Variants in RASAL1 observed in about 807,000 individuals in gnomAD.
RASAL1 encodes the protein RAS protein activator like 1.
In RASAL1, 72 loss-of-function variants were observed where a neutral mutation model predicts 96.6. The observed-to-expected ratio is 0.75, with a 90% CI of 0.62 to 0.91. RASAL1 has a LOEUF of 0.91. Among genes scored for constraint, RASAL1 ranks in the 40% least tolerant of loss-of-function variants. The probability of loss-of-function intolerance (pLI) is 0.00; values close to 1 mark genes in which losing one functional copy is unlikely to be tolerated. For missense variants in RASAL1, 1,016 were observed against 1,072.5 expected, an observed-to-expected ratio of 0.95 and a Z score of 0.74; for synonymous variants, 405 against 430.4, an observed-to-expected ratio of 0.94 and a Z score of 0.73.
At chr12:113,123,835 G>C (rs1592945336) in intron 4 of RASAL1, among the ~76,000 whole-genome samples, 1 of 151,236 alleles carries the variant, frequency 6.6e-6, no homozygotes. Flanking sequence ...CGCCAGCCTC[G>C]GCCTCCCAAA....
rs1278345374 is a variant in RASAL1 at position 113,115,063 on chromosome 12, C to T, written c.1068+137G>A. The T allele has an allele frequency of 1.8e-6, 2 of 1,136,034 alleles. No homozygotes were observed. The highest frequency in any genetic ancestry group is 2.6e-6 in the Non-Finnish European group (2 of 757,428). The allele number at this position is 1,136,034 out of a possible 1,614,324, so 70.4% of individuals were successfully genotyped here. ...CATCCAGGTGCAACTCAGGGCAAGG[C>T]CGGGCACCAGCCGCCAGCACTGCAG... On this transcript the variant is annotated intron_variant, in intron 11 of 20. Transcript: ENST00000548055. This position sits in a 1 kb window ranked among gnomAD's most constrained non-coding sequence, Gnocchi z 4.1.
At chr12:113,106,116 C>G (rs1950636703) in intron 15 of RASAL1, among the ~76,000 whole-genome samples, 1 of 152,138 alleles carries the variant, frequency 6.6e-6, no homozygotes, top group Non-Finnish European at 1.5e-5. Flanking sequence ...TCTCTCCAAC[C>G]AGAGAAATCT....
chr12:113,114,991 C>T, intron 11 of RASAL1, 79 bp from the exon 12 acceptor site: 2 of 1,247,454 alleles, frequency 1.6e-6, no homozygotes, highest in Non-Finnish European at 2.3e-6. Flanking sequence ...CAGGGGGGAC[C>T]ATGCAGGAAG....
intron 11 of RASAL1, 56 bp from the exon 12 acceptor site, chr12:113,114,968 C>G: frequency 1.4e-6 from 2 of 1,426,074 alleles, no homozygotes; most frequent in Non-Finnish European, 2.0e-6. Context: ...GGGGCATGCC[C>G]ATGAGCTGGG....
Position 113,130,907 on chromosome 12 carries a change from C to CT in RASAL1, c.99dup (p.Val34SerfsTer42), listed in dbSNP as rs1951681719. 6.2e-7 allele frequency: 1 copy of CT among 1,613,764 alleles called. No individual in the cohort carries two copies. Among genetic ancestry groups the CT allele is most frequent in the Non-Finnish European group, 8.5e-7 (1 of 1,179,854 alleles). ...CACCTGGCCACCACCTCGTCGTCCA[C>CT]TTTCACTAGGCAGTAGGGGTCGCTG... On this transcript the variant is annotated frameshift_variant, in exon 2 of 21. Coordinates refer to ENST00000548055, the MANE Select transcript of RASAL1 (RefSeq NM_001301202.2). LOFTEE classifies it high-confidence loss of function. This position sits in a 1 kb window ranked among gnomAD's most constrained non-coding sequence, Gnocchi z 5.1.
Position 113,107,703 on chromosome 12 carries a change from A to G in RASAL1, c.1512+382T>C, listed in dbSNP as rs1400046328. ...TCCCCTTCCTCTTTTTGGAATCTGC[A>G]CTCCCCACTAACCTTATTCTGTTCC... is the stretch of plus-strand genomic sequence containing the variant. On this transcript the variant is annotated intron_variant, in intron 14 of 20. Transcript: ENST00000548055. 3 of 390,304 alleles carry G rather than the reference A, an allele frequency of 7.7e-6. No individual in the cohort carries two copies. In the Admixed American group the frequency reaches 1.1e-4, roughly 14 times the overall value. The allele number at this position is 390,304 out of a possible 1,614,324, so 24.2% of individuals were successfully genotyped here.
chr12:113,100,763 G>A (rs781314777), intron 19 of RASAL1, 83 bp from the exon 20 acceptor site: 7 of 1,251,450 alleles, frequency 5.6e-6, no homozygotes, highest in Non-Finnish European at 8.1e-6. Flanking sequence ...TGAGAAATTA[G>A]TTTTCCTGAA....
intron 2 of RASAL1, 103 bp from the exon 3 acceptor site, chr12:113,128,281 C>CAT (rs4007314): frequency 1.6e-4 from 105 of 645,482 alleles, no homozygotes; most frequent in Non-Finnish European, 2.3e-4. Flanking sequence ...CACACACACA[C>CAT]GGGAATCCAG....
rs369697367 is a variant in RASAL1, at chr12:113,115,179, C to T, written c.1068+21G>A. On this transcript the variant is annotated intron_variant, in intron 11 of 20. Transcript: ENST00000548055. This position sits in a 1 kb window ranked among gnomAD's most constrained non-coding sequence, Gnocchi z 4.1. ...TACCCGAGGAAGCTGCGCCTGGTCC[C>T]GCAGGCCTTCACCTACTCACCTTCA... 5.0e-5 allele frequency: 80 copies of T among 1,604,860 alleles called. No homozygotes were observed. The highest frequency in any genetic ancestry group is 6.6e-5 in the South Asian group (6 of 90,814).
chr12:113,135,454 C>T lies in RASAL1; in HGVS notation c.9G>A (p.Lys3=). MA[K]SSSLNVRVVE... is the part of the protein sequence containing the mutation. The stretch of plus-strand genomic sequence containing the variant: ...CCACGCGAACATTCAGGGAGCTGCT[C>T]TTGGCCATGGCGCCTAGCCACAAAC... The change falls in exon 1 of 21, where the codon AAG becomes AAA. Residue 3 remains lysine (K), a synonymous_variant. Coordinates refer to ENST00000548055, the MANE Select transcript of RASAL1 (RefSeq NM_001301202.2). This position sits in a 1 kb window ranked among gnomAD's most constrained non-coding sequence, Gnocchi z 5.7. 6.2e-7 allele frequency: 1 copy of T among 1,607,858 alleles called. No individual in the cohort carries two copies.
In RASAL1 at chr12:113,099,766, C is replaced by CAAAGGG; in HGVS notation, c.*162_*163insCCCTTT. On this transcript the variant is annotated 3_prime_UTR_variant, in exon 21 of 21. Coordinates refer to ENST00000548055, the MANE Select transcript of RASAL1 (RefSeq NM_001301202.2). ...GGCCCCTGCCAAAGGGCTTCCATGC[C>CAAAGGG]CTGAGTTCTGGACTCAAGGCACACA... 1 of 1,033,058 alleles carries CAAAGGG rather than the reference C, an allele frequency of 9.7e-7. No homozygotes were observed. The highest frequency in any genetic ancestry group is 1.4e-6 in the Non-Finnish European group (1 of 722,494). 64.0% of individuals were successfully genotyped at this position (1,033,058 alleles called of 1,614,324 possible).
chr12:113,106,874 C>A (rs1950665227), intron 15 of RASAL1, among the ~76,000 whole-genome samples: 1 of 152,208 alleles, frequency 6.6e-6, no homozygotes, highest in African/African-American at 2.4e-5. Flanking sequence ...CACGATCCTG[C>A]CCACAGCCAT....
In RASAL1 at chr12:113,107,980, G is replaced by A. The variant is rs191658361; in HGVS notation, c.1512+105C>T. 179 of 1,333,708 alleles carry A rather than the reference G, an allele frequency of 1.3e-4. No individual in the cohort carries two copies. In the African/African-American group the frequency reaches 2.1e-3, roughly 15 times the overall value. The allele number at this position is 1,333,708 out of a possible 1,614,324, so 82.6% of individuals were successfully genotyped here. A position where few individuals can be genotyped will look rare whatever the true frequency, so the allele number is the denominator to read the frequency against. ...TGGTGTTTCAGACTTGGGTTTCTTCGGATGTTCTTTGGGTCTTCTGTGGGT... is the reference window on the plus strand; with the variant it reads ...TGGTGTTTCAGACTTGGGTTTCTTCAGATGTTCTTTGGGTCTTCTGTGGGT... On this transcript the variant is annotated intron_variant, in intron 14 of 20. Coordinates refer to ENST00000548055, the MANE Select transcript of RASAL1 (RefSeq NM_001301202.2).
intron 12 of RASAL1, 96 bp downstream of exon 12, chr12:113,114,704 G>C (rs1489822073): frequency 3.0e-6 from 3 of 1,002,170 alleles, no homozygotes; most frequent in African/African-American, 3.2e-5. Context: ...TGTAGCCCCA[G>C]GGTGGGTGGC....
chr12:113,117,042 C>A lies in RASAL1; in HGVS notation c.731+31G>T, dbSNP rs748484694. ...TGGATGCTGCCCGGCATGGCTCCAG[C>A]CTGGCCCCCTCCCTCTGCACCCACA... On this transcript the variant is annotated intron_variant, in intron 8 of 20. Transcript: ENST00000548055. 2.2e-5 allele frequency: 33 copies of A among 1,513,374 alleles called. 2 individuals carry two copies. The South Asian group carries it at 3.8e-4, about 18-fold the overall frequency. 93.7% of individuals were successfully genotyped at this position (1,513,374 alleles called of 1,614,324 possible).
At chr12:113,101,340 C>G (rs1012219924) in intron 19 of RASAL1, among the ~76,000 whole-genome samples, 2 of 152,204 alleles carry the variant, frequency 1.3e-5, no homozygotes, top group Admixed American at 1.3e-4. Flanking sequence ...CGCTTGAACC[C>G]AGGAGGCAGA....
At chr12:113,120,711 C>G (rs568343920) in intron 5 of RASAL1, among the ~76,000 whole-genome samples, 1 of 152,024 alleles carries the variant, frequency 6.6e-6, no homozygotes, top group East Asian at 1.9e-4. Flanking sequence ...GATGGGTGTC[C>G]CATGAGCTGG....
intron 4 of RASAL1, among the ~76,000 whole-genome samples, chr12:113,122,653 A>G (rs1381489894): frequency 1.3e-5 from 2 of 151,820 alleles, no homozygotes; most frequent in African/African-American, 4.9e-5. Flanking sequence ...TCTAAGGACT[A>G]TGTCTCTGAT....
Position 113,114,899 on chromosome 12 carries a change from G to A in RASAL1, c.1082C>T (p.Pro361Leu). The change falls in exon 12 of 21, where the codon CCC becomes CTC. Residue 361 changes from proline to leucine, a missense_variant. Physicochemically the swap from Pro to Leu is moderately conservative, Grantham distance 98 (BLOSUM62 -3). Coordinates refer to ENST00000548055, the MANE Select transcript of RASAL1 (RefSeq NM_001301202.2). ...AGGCTTCAGGACCTCGTGCAGGTAG[G>A]GCATGCCCACGAGCTGGGGGCAGGG... ...MEQFMKLVGM[P>L]YLHEVLKPVI... 1 of 1,613,878 alleles carries A rather than the reference G, an allele frequency of 6.2e-7. No individual in the cohort carries two copies. The highest frequency in any genetic ancestry group is 8.5e-7 in the Non-Finnish European group (1 of 1,179,914).
Sources: gnomAD v4.1 joint callset for allele counts (sites outside exome capture counted in the v4.1 genomes callset) on GRCh38, gnomAD v4.1.1 for gene constraint, Gnocchi (gnomAD v3.1) non-coding constraint, MANE v1.5 for transcripts, NCBI Gene and HGNC (gene_info 2026-07-23, HGNC 2026-07-21) for gene names.